The following CHLSN variants were observed in gnomAD, a reference collection of about 807,000 sequenced individuals.
The protein encoded by CHLSN is protein cholesin.
chr7:1,111,097 C>A, the CHLSN span, among the ~76,000 whole-genome samples: 1 of 152,026 alleles, frequency 6.6e-6, no homozygotes, highest in South Asian at 2.1e-4. Flanking sequence ...GCAAAAAAAA[C>A]AACAAAAAAC....
chr7:1,120,754 G>A, the CHLSN span, among the ~76,000 whole-genome samples: 4 of 152,236 alleles, frequency 2.6e-5, no homozygotes, highest in African/African-American at 9.6e-5. Context: ...AAACGGGTGA[G>A]AGAATCTGTG....
chr7:1,110,029 C>CT, the CHLSN span, among the ~76,000 whole-genome samples: 1 of 152,172 alleles, frequency 6.6e-6, no homozygotes, highest in South Asian at 2.1e-4. Context: ...CCAATGCCGG[C>CT]ACCTTCTCCC....
the CHLSN span, among the ~76,000 whole-genome samples, chr7:1,054,733 C>G: frequency 2.0e-5 from 3 of 152,326 alleles, no homozygotes; most frequent in Non-Finnish European, 4.4e-5. Flanking sequence ...GGAGAGCCCT[C>G]GCAGGAGGCT....
chr7:986,852 C>T, the CHLSN span: 1 of 1,447,288 alleles, frequency 6.9e-7, no homozygotes, highest in Non-Finnish European at 9.1e-7. Context: ...GAGGGACACC[C>T]CAGGGGAGCA....
At chr7:1,113,242 G>A in the CHLSN span, among the ~76,000 whole-genome samples, 7 of 151,578 alleles carry the variant, frequency 4.6e-5, no homozygotes, top group African/African-American at 1.5e-4. Context: ...AGAATCTACC[G>A]TTATTTTAAA....
chr7:1,004,749 T>G, the CHLSN span, among the ~76,000 whole-genome samples: 1 of 152,182 alleles, frequency 6.6e-6, no homozygotes, highest in Non-Finnish European at 1.5e-5. Context: ...TGCAGACAGT[T>G]CACAGGATGC....
the CHLSN span, among the ~76,000 whole-genome samples, chr7:1,095,073 T>C: frequency 6.6e-6 from 1 of 151,366 alleles, no homozygotes. Context: ...CGTGCGTGGC[T>C]TGAGCCACGA....
chr7:1,086,477 C>T, the CHLSN span, among the ~76,000 whole-genome samples: 1 of 152,290 alleles, frequency 6.6e-6, no homozygotes, highest in South Asian at 2.1e-4. Flanking sequence ...GAAAACTCCA[C>T]GTTAGTATTT....
the CHLSN span, among the ~76,000 whole-genome samples, chr7:1,116,944 C>T: frequency 3.1e-5 from 1 of 32,620 alleles, no homozygotes; most frequent in Admixed American, 2.7e-4. Context: ...CCATCACCGA[C>T]GCCCACGCAG....
chr7:1,011,113 A>C, the CHLSN span, among the ~76,000 whole-genome samples: 1 of 138,300 alleles, frequency 7.2e-6, no homozygotes, highest in Non-Finnish European at 1.5e-5. Flanking sequence ...CCCTACAGCC[A>C]AACACAGCCC....
the CHLSN span, chr7:985,249 C>A: frequency 1.3e-6 from 2 of 1,551,936 alleles, no homozygotes; most frequent in Non-Finnish European, 1.7e-6. Flanking sequence ...ATTTGACTAC[C>A]GGGACCCCGT....
chr7:997,598 C>G, the CHLSN span: 258 of 1,502,974 alleles, frequency 1.7e-4, no homozygotes, highest in Non-Finnish European at 2.2e-4. Context: ...CTGCACTGGG[C>G]AGCGGCCCCG....
the CHLSN span, among the ~76,000 whole-genome samples, chr7:1,065,638 C>T: frequency 2.0e-5 from 3 of 152,168 alleles, no homozygotes; most frequent in African/African-American, 4.8e-5. Context: ...ACAGCGGCGA[C>T]GAGGGCCGGG....
At chr7:1,114,870 C>T in the CHLSN span, among the ~76,000 whole-genome samples, 6 of 152,336 alleles carry the variant, frequency 3.9e-5, no homozygotes, top group South Asian at 2.1e-4. Flanking sequence ...GCCCCTGCCC[C>T]GCACAAAGCA....
At chr7:1,028,801 C>T in the CHLSN span, 2 of 885,828 alleles carry the variant, frequency 2.3e-6, no homozygotes, top group Non-Finnish European at 1.3e-6. Context: ...TATCGCTCCC[C>T]CAATCTGACT....
At chr7:1,065,374 G>A in the CHLSN span, among the ~76,000 whole-genome samples, 66 of 152,346 alleles carry the variant, frequency 4.3e-4, no homozygotes, top group Middle Eastern at 6.8e-3. Flanking sequence ...AAATGTTCAC[G>A]GCAGCTTTGC....
the CHLSN span, among the ~76,000 whole-genome samples, chr7:998,559 C>T: frequency 6.6e-6 from 1 of 150,502 alleles, no homozygotes; most frequent in Non-Finnish European, 1.5e-5. Context: ...ATTCTCCTGC[C>T]TCAGCCTCCC....
chr7:1,054,949 T>C, the CHLSN span, among the ~76,000 whole-genome samples: 1 of 152,116 alleles, frequency 6.6e-6, no homozygotes. Context: ...GTTGATTTCC[T>C]CACGGAAAAA....
At chr7:988,946 C>A in the CHLSN span, 16 of 633,462 alleles carry the variant, frequency 2.5e-5, no homozygotes, top group South Asian at 1.4e-4. Flanking sequence ...CCCACCCTCA[C>A]CCCCACCCCC....
Sources: gnomAD v4.1 joint callset for allele counts (sites outside exome capture counted in the v4.1 genomes callset) on GRCh38, gnomAD v4.1.1 for gene constraint, MANE v1.5 for transcripts, NCBI Gene and HGNC (gene_info 2026-07-23, HGNC 2026-07-21) for gene names.